The following UQCC1 variants were observed in gnomAD, a reference collection of about 807,000 sequenced individuals.
UQCC1 encodes ubiquinol-cytochrome c reductase complex assembly factor 1.
In UQCC1, 38 loss-of-function variants were observed where a neutral mutation model predicts 48.0. The ratio of observed to expected loss-of-function variants is 0.79; its 90% CI spans 0.61 to 1.04. The LOEUF is 1.04. Among genes scored for constraint, UQCC1 ranks in the 50% least tolerant of loss-of-function variants. The pLI is 0.00. For missense variants in UQCC1, 368 were observed against 381.8 expected (o/e 0.96, Z 0.30); for synonymous variants, 111 against 129.2 (o/e 0.86, Z 0.95).
intron 4 of UQCC1, among the ~76,000 whole-genome samples, chr20:35,378,005 C>T (rs1480927752): frequency 2.0e-5 from 3 of 152,190 alleles, no homozygotes; most frequent in African/African-American, 4.8e-5. Flanking sequence ...TCTCTAAAGA[C>T]TATCACACAG....
intron 7 of UQCC1, among the ~76,000 whole-genome samples, chr20:35,340,429 AAAG>A (rs976609402): frequency 2.6e-5 from 4 of 152,224 alleles, no homozygotes; most frequent in Admixed American, 6.5e-5. Context: ...GAAACTTTCA[AAAG>A]AACAACTGGT....
In UQCC1 at chr20:35,367,092, T is replaced by TAAAAAAAAAAAAAA. The variant is rs72469122; in HGVS notation, c.407-492_407-479dup. On this transcript the variant is annotated intron_variant, in intron 5 of 9. Transcript: ENST00000374385. ...CTGGGCAATAGAGTGAGACTCTGTC[T>TAAAAAAAAAAAAAA]AAAAAAAAAAAAAAAAACAAACAAA... Among the ~76,000 whole-genome samples the TAAAAAAAAAAAAAA allele has an allele frequency of 2.9e-5, 3 of 101,778 alleles. 1 individual carries two copies. Among genetic ancestry groups the TAAAAAAAAAAAAAA allele is most frequent in the East Asian group, 2.9e-4 (1 of 3,474 alleles). 66.8% of individuals were successfully genotyped at this position (101,778 alleles called of 152,430 possible). A position where few individuals can be genotyped will look rare whatever the true frequency, so the allele number is the denominator to read the frequency against.
intron 2 of UQCC1, among the ~76,000 whole-genome samples, chr20:35,387,983 T>C (rs2061965713): frequency 6.6e-6 from 1 of 151,982 alleles, no homozygotes; most frequent in South Asian, 2.1e-4. Context: ...AAGTATATTT[T>C]CCTATTTTTT....
intron 6 of UQCC1, among the ~76,000 whole-genome samples, chr20:35,358,549 T>C (rs1381543423): frequency 6.6e-6 from 1 of 152,188 alleles, no homozygotes; most frequent in Non-Finnish European, 1.5e-5. Context: ...CAGAAGCTAC[T>C]ACTCTGTTTA....
chr20:35,406,611 T>C (rs906282195), intron 1 of UQCC1, among the ~76,000 whole-genome samples: 2 of 152,196 alleles, frequency 1.3e-5, no homozygotes, highest in African/African-American at 4.8e-5. Context: ...GACCTTCAGG[T>C]TGAAATGAAA....
chr20:35,329,824 G>GT (rs2061237507), intron 7 of UQCC1, among the ~76,000 whole-genome samples: 1 of 152,190 alleles, frequency 6.6e-6, no homozygotes, highest in African/African-American at 2.4e-5. Flanking sequence ...CCAAGAGCTC[G>GT]TCACAGTGCC....
chr20:35,391,504 A>G (rs1437920478), intron 2 of UQCC1, among the ~76,000 whole-genome samples: 1 of 151,996 alleles, frequency 6.6e-6, no homozygotes, highest in Non-Finnish European at 1.5e-5. Flanking sequence ...CATACTTGTA[A>G]TCCCAGCTAC....
chr20:35,366,593 A>G lies in UQCC1; in HGVS notation c.428T>C (p.Phe143Ser), dbSNP rs768734216. ...FFLRCQMPDT[F>S]NSWFLITLLH... ...TAGGGTTATAAGAAACCATGAATTG[A>G]ATGTATCAGGCATCTGACACCCTAG... Residue 143 changes from phenylalanine (F) to serine (S), a missense_variant, in exon 6 of 10, where the codon TTC (phenylalanine) becomes TCC (serine). Phe to Ser is a radical substitution (Grantham distance 155, BLOSUM62 -2). Transcript: ENST00000374385. The G allele has an allele frequency of 1.9e-6, 3 of 1,613,862 alleles. No individual in the cohort carries two copies.
At chr20:35,320,816 T>C (rs1270200503) in intron 7 of UQCC1, among the ~76,000 whole-genome samples, 1 of 152,210 alleles carries the variant, frequency 6.6e-6, no homozygotes, top group Non-Finnish European at 1.5e-5. Flanking sequence ...TTGCTAACAG[T>C]AGCAGACTAA....
intron 5 of UQCC1, among the ~76,000 whole-genome samples, chr20:35,372,590 C>T (rs1568689413): frequency 6.6e-6 from 1 of 152,086 alleles, no homozygotes; most frequent in Non-Finnish European, 1.5e-5. Flanking sequence ...GGCCAGGTCC[C>T]ATGGCTCACG....
chr20:35,358,070 C>A (rs563203049), intron 6 of UQCC1, among the ~76,000 whole-genome samples: 1 of 152,124 alleles, frequency 6.6e-6, no homozygotes, highest in East Asian at 1.9e-4. Flanking sequence ...CTTAAGAATG[C>A]AGGCTGGGCG....
intron 8 of UQCC1, among the ~76,000 whole-genome samples, chr20:35,307,881 T>C (rs1443394740): frequency 6.6e-6 from 1 of 152,098 alleles, no homozygotes; most frequent in African/African-American, 2.4e-5. Context: ...GAGCACAGAG[T>C]TCGAATGCCA....
intron 6 of UQCC1, among the ~76,000 whole-genome samples, chr20:35,350,144 T>A (rs1424230025): frequency 6.6e-6 from 1 of 152,170 alleles, no homozygotes; most frequent in Non-Finnish European, 1.5e-5. Context: ...TTTTTAATTT[T>A]AGAGACAGGG....
chr20:35,314,888 C>T (rs555957353), intron 7 of UQCC1, 123 bp from the exon 8 acceptor site: 5 of 637,118 alleles, frequency 7.8e-6, no homozygotes, highest in Non-Finnish European at 1.3e-5. Flanking sequence ...ACTAACAAGT[C>T]AAGCTGCCAG....
At chr20:35,322,603 G>A (rs2425057) in intron 7 of UQCC1, among the ~76,000 whole-genome samples, 56,136 of 151,718 alleles carry the variant, frequency 0.37, 11,003 homozygotes, top group African/African-American at 0.49. Flanking sequence ...GCATAGTGGC[G>A]CATACCTGTA....
In UQCC1 at chr20:35,404,592, AC is replaced by A. The variant is rs1230171643; in HGVS notation, c.24+7347del. 2.0e-5 allele frequency among the ~76,000 whole-genome samples: 3 copies of A among 151,792 alleles called. No individual in the cohort carries two copies. The East Asian group carries it at 5.8e-4, about 29-fold the overall frequency. The stretch of plus-strand genomic sequence containing the variant: ...AATGATGAGTTAATGGGTGCAGCAC[AC>A]CATCATGGCACATGTATACATATGT... On this transcript the variant is annotated intron_variant, in intron 1 of 9. Transcript: ENST00000374385.
intron 7 of UQCC1, among the ~76,000 whole-genome samples, chr20:35,319,884 T>A (rs556087627): frequency 7.0e-4 from 107 of 152,342 alleles, no homozygotes; most frequent in Admixed American, 1.8e-3. Context: ...TTTATGTGAC[T>A]GCTTAACAGA....
At chr20:35,390,345 C>T (rs554006920) in intron 2 of UQCC1, among the ~76,000 whole-genome samples, 1 of 151,368 alleles carries the variant, frequency 6.6e-6, no homozygotes, top group Admixed American at 6.6e-5. Context: ...ATGCTTGAAC[C>T]TGGGAGGCGG....
intron 6 of UQCC1, 88 bp from the exon 7 acceptor site, chr20:35,347,360 AG>A: frequency 6.7e-7 from 1 of 1,502,790 alleles, no homozygotes. Context: ...TCTAAGAGTG[AG>A]TTTAGCAAAG....
Sources: allele counts gnomAD v4.1 joint callset (sites outside exome capture counted in the v4.1 genomes callset), GRCh38; gene constraint gnomAD v4.1.1; transcripts MANE v1.5; gene names NCBI Gene and HGNC (gene_info 2026-07-23, HGNC 2026-07-21).